The following CADM2 variants were observed in gnomAD, a reference collection of about 807,000 sequenced individuals.
CADM2 encodes cell adhesion molecule 2, also known as immunoglobulin superfamily member 4D.
A neutral mutation model predicts 49.8 loss-of-function variants in CADM2; 12 were observed. That is an observed-to-expected ratio of 0.24 (90% CI 0.15 to 0.39). CADM2 has a LOEUF of 0.39. Ranked by LOEUF, CADM2 falls within the 10% of genes least tolerant of loss-of-function variation. The pLI is 1.00. For synonymous variants in CADM2, 214 were observed against 175.4 expected, an observed-to-expected ratio of 1.22 and a Z score of -1.74; for missense variants, 378 against 492.3, an observed-to-expected ratio of 0.77 and a Z score of 2.20.
intron 5 of CADM2, among the ~76,000 whole-genome samples, chr3:85,892,980 A>G (rs180721957): frequency 6.6e-6 from 1 of 152,256 alleles, no homozygotes; most frequent in Admixed American, 6.5e-5. Flanking sequence ...ATGGACAACA[A>G]AGTTCAGCCT....
intron 1 of CADM2, among the ~76,000 whole-genome samples, chr3:85,637,657 G>C (rs1411230587): frequency 1.6e-5 from 2 of 121,826 alleles, no homozygotes; most frequent in African/African-American, 6.7e-5. Flanking sequence ...ATAAATAAAA[G>C]GTATTATTTA....
At chr3:85,473,950 A>G (rs1024061840) in intron 1 of CADM2, among the ~76,000 whole-genome samples, 6 of 151,944 alleles carry the variant, frequency 3.9e-5, no homozygotes, top group African/African-American at 1.2e-4. Flanking sequence ...TAGTTTCCTT[A>G]TTTATAAAAT....
At chr3:86,059,860 T>A (rs553368283) in intron 8 of CADM2, among the ~76,000 whole-genome samples, 20 of 152,228 alleles carry the variant, frequency 1.3e-4, no homozygotes, top group Non-Finnish European at 2.2e-4. Flanking sequence ...GAGAGGCTCT[T>A]AGTTCTAACA....
chr3:85,306,920 G>T (rs562602563), intron 1 of CADM2, among the ~76,000 whole-genome samples: 3 of 151,512 alleles, frequency 2.0e-5, no homozygotes, highest in African/African-American at 4.8e-5. Context: ...CAAAGATAGT[G>T]CATCAACATC....
At chr3:85,830,383 G>T (rs1231089869) in intron 3 of CADM2, among the ~76,000 whole-genome samples, 1 of 151,762 alleles carries the variant, frequency 6.6e-6, no homozygotes, top group Non-Finnish European at 1.5e-5. Context: ...TTTTCTTTTT[G>T]CCATTGAGTT....
intron 1 of CADM2, among the ~76,000 whole-genome samples, chr3:85,493,543 G>C (rs1282067964): frequency 6.6e-6 from 1 of 152,132 alleles, no homozygotes; most frequent in Non-Finnish European, 1.5e-5. Flanking sequence ...AAGCACAGTG[G>C]TTAAATTGCC....
chr3:85,268,275 A>G (rs914124965), intron 1 of CADM2, among the ~76,000 whole-genome samples: 5 of 151,616 alleles, frequency 3.3e-5, no homozygotes, highest in African/African-American at 1.2e-4. Flanking sequence ...TGTTGTATTC[A>G]TTCCTATGAA....
intron 1 of CADM2, among the ~76,000 whole-genome samples, chr3:85,045,884 A>AT (rs1280106090): frequency 6.6e-6 from 1 of 152,014 alleles, no homozygotes; most frequent in Non-Finnish European, 1.5e-5. Flanking sequence ...TCTCTTTTAT[A>AT]TTTTTCATAT....
chr3:85,027,033 C>T (rs573798014), intron 1 of CADM2, among the ~76,000 whole-genome samples: 1 of 140,830 alleles, frequency 7.1e-6, no homozygotes, highest in South Asian at 2.3e-4. Flanking sequence ...ACTTAGTGCT[C>T]TTAATATATA....
chr3:85,365,199 C>CTTTTTTTTTTTT (rs397962829), intron 1 of CADM2, among the ~76,000 whole-genome samples: 2 of 104,704 alleles, frequency 1.9e-5, no homozygotes, highest in Non-Finnish European at 3.6e-5. Flanking sequence ...TTTTTTTTTA[C>CTTTTTTTTTTTT]TTTTTTTTTT....
At chr3:86,045,096 T>C (rs1441639493) in intron 8 of CADM2, among the ~76,000 whole-genome samples, 1 of 151,522 alleles carries the variant, frequency 6.6e-6, no homozygotes, top group Non-Finnish European at 1.5e-5. Context: ...TTAGGAGATA[T>C]ACCTAATGTT....
chr3:85,386,126 A>G (rs909315586), intron 1 of CADM2, among the ~76,000 whole-genome samples: 4 of 152,106 alleles, frequency 2.6e-5, no homozygotes, highest in Non-Finnish European at 4.4e-5. Context: ...CGTACTCACT[A>G]GGCTGCAGTA....
chr3:85,508,386 A>C (rs533754069), intron 1 of CADM2, among the ~76,000 whole-genome samples: 1 of 152,170 alleles, frequency 6.6e-6, no homozygotes, highest in African/African-American at 2.4e-5. Context: ...GTATTCTGTG[A>C]AGAGACAGAC....
chr3:86,054,368 AGT>A (rs1383631602), intron 8 of CADM2, among the ~76,000 whole-genome samples: 1 of 152,090 alleles, frequency 6.6e-6, no homozygotes, highest in African/African-American at 2.4e-5. Context: ...TATAGTGACT[AGT>A]GTTGTTATAT....
chr3:84,972,780 A>G (rs1010232174), intron 1 of CADM2, among the ~76,000 whole-genome samples: 1 of 152,224 alleles, frequency 6.6e-6, no homozygotes, highest in African/African-American at 2.4e-5. Context: ...GTGTTGTAAA[A>G]TGCTGGATGT....
chr3:84,968,926 C>T (rs1043155513), intron 1 of CADM2, among the ~76,000 whole-genome samples: 4 of 151,906 alleles, frequency 2.6e-5, no homozygotes, highest in African/African-American at 7.2e-5. Flanking sequence ...ATTTTATTTT[C>T]GGGTTTTAAT....
At chr3:85,773,256 A>G (rs1228709749) in intron 2 of CADM2, among the ~76,000 whole-genome samples, 1 of 152,088 alleles carries the variant, frequency 6.6e-6, no homozygotes, top group Non-Finnish European at 1.5e-5. Flanking sequence ...GCTCAACCCC[A>G]GGAAATAAAC....
At chr3:85,860,124 G>A (rs1032380946) in intron 3 of CADM2, among the ~76,000 whole-genome samples, 2 of 152,102 alleles carry the variant, frequency 1.3e-5, no homozygotes, top group Non-Finnish European at 2.9e-5. Context: ...GTAGAAACAT[G>A]ATTGAACATT....
At chr3:85,094,533 A>G (rs550149228) in intron 1 of CADM2, among the ~76,000 whole-genome samples, 1 of 152,288 alleles carries the variant, frequency 6.6e-6, no homozygotes, top group South Asian at 2.1e-4. Context: ...AATAAAAATG[A>G]ACACCTTAAA....
Sources: gnomAD v4.1 joint callset for allele counts (sites outside exome capture counted in the v4.1 genomes callset) on GRCh38, gnomAD v4.1.1 for gene constraint, MANE v1.5 for transcripts, NCBI Gene and HGNC (gene_info 2026-07-23, HGNC 2026-07-21) for gene names.